MME: variants seen among roughly 807,000 people sequenced by gnomAD.
MME encodes the protein membrane metalloendopeptidase.
In MME, 98 loss-of-function variants were observed where a neutral mutation model predicts 113.2. The observed-to-expected ratio is 0.87, with a 90% CI of 0.74 to 1.02. MME has a LOEUF of 1.02. Ranked by LOEUF, MME falls within the 50% of genes least tolerant of loss-of-function variation. The pLI is 0.00. For missense variants in MME, 836 were observed against 896.0 expected (o/e 0.93, Z 0.86); for synonymous variants, 292 against 300.6 (o/e 0.97, Z 0.30).
At chr3:155,178,581 T>C (rs1284426650) in intron 22 of MME, among the ~76,000 whole-genome samples, 1 of 152,052 alleles carries the variant, frequency 6.6e-6, no homozygotes, top group Admixed American at 6.6e-5. Flanking sequence ...ACTTTGGGGG[T>C]GCAGCAGTGA....
intron 3 of MME, among the ~76,000 whole-genome samples, chr3:155,089,678 C>T (rs1240343116): frequency 6.6e-6 from 1 of 152,158 alleles, no homozygotes; most frequent in Non-Finnish European, 1.5e-5. Context: ...ACACCCAATT[C>T]CCAGAGCCTC....
intron 3 of MME, among the ~76,000 whole-genome samples, chr3:155,108,542 G>A (rs1022781455): frequency 6.6e-6 from 1 of 151,576 alleles, no homozygotes. Context: ...GTTGCAGTGA[G>A]CAGATATCGC....
intron 4 of MME, among the ~76,000 whole-genome samples, chr3:155,115,671 C>A (rs1320680022): frequency 6.6e-6 from 1 of 152,160 alleles, no homozygotes; most frequent in Non-Finnish European, 1.5e-5. Flanking sequence ...GGTGATCCAC[C>A]AGCCTTGGCC....
At chr3:155,064,193 A>G (rs1416595667) in intron 1 of MME, among the ~76,000 whole-genome samples, 1 of 151,844 alleles carries the variant, frequency 6.6e-6, no homozygotes, top group Non-Finnish European at 1.5e-5. Context: ...GGAGGCTGAG[A>G]CAGGAGAATC....
In MME at chr3:155,168,764, T is replaced by C; in HGVS notation, c.1947T>C (p.Ile649=). 1 of 1,613,454 alleles carries C rather than the reference T, an allele frequency of 6.2e-7. No homozygotes were observed. Among genetic ancestry groups the C allele is most frequent in the Non-Finnish European group, 8.5e-7 (1 of 1,179,542 alleles). The change falls in exon 20 of 23, where the codon ATT becomes ATC. Residue 649 remains isoleucine, a synonymous_variant. Transcript: ENST00000360490. ...LNGINTLGEN[I]ADNGGLGQAY... ...GAATTAATACACTGGGAGAAAACAT[T>C]GCTGATAATGGAGGTCTTGGTCAAG...
At chr3:155,103,161 A>G (rs908096441) in intron 3 of MME, among the ~76,000 whole-genome samples, 4 of 152,200 alleles carry the variant, frequency 2.6e-5, no homozygotes, top group African/African-American at 9.6e-5. Flanking sequence ...TTTGTCCACT[A>G]AAATGTAAGT....
upstream of MME, among the ~76,000 whole-genome samples, chr3:155,076,945 T>C (rs1384875953): frequency 6.6e-6 from 1 of 152,214 alleles, no homozygotes; most frequent in East Asian, 1.9e-4. Context: ...ATCTTGGTTT[T>C]GGTAGGTTTT....
intron 3 of MME, among the ~76,000 whole-genome samples, chr3:155,112,110 A>G (rs1559924784): frequency 6.6e-6 from 1 of 152,096 alleles, no homozygotes. Context: ...TTTACTGGCA[A>G]GTCTTGACTG....
At chr3:155,114,713 T>G (rs541048899) in intron 3 of MME, among the ~76,000 whole-genome samples, 1 of 152,220 alleles carries the variant, frequency 6.6e-6, no homozygotes, top group Admixed American at 6.5e-5. Context: ...AGATAGGAAC[T>G]AGCCAGAAAC....
At chr3:155,164,395 T>C (rs149621574) in intron 17 of MME, among the ~76,000 whole-genome samples, 115 of 152,206 alleles carry the variant, frequency 7.6e-4, no homozygotes, top group African/African-American at 2.7e-3. Context: ...AACTAAGCAG[T>C]TGGTTATAAA....
chr3:155,098,154 C>T (rs887695434), intron 3 of MME, among the ~76,000 whole-genome samples: 9 of 152,100 alleles, frequency 5.9e-5, no homozygotes, highest in South Asian at 2.1e-4. Flanking sequence ...AGGGTAGGCT[C>T]ATTTGCAGGG....
intron 8 of MME, among the ~76,000 whole-genome samples, chr3:155,137,358 C>A (rs1035174564): frequency 3.3e-5 from 5 of 152,094 alleles, no homozygotes; most frequent in African/African-American, 4.8e-5. Flanking sequence ...AGTTTGTGGT[C>A]ATTTTTCCAT....
chr3:155,129,039 TG>T (rs1319056265), intron 8 of MME, among the ~76,000 whole-genome samples: 1 of 152,206 alleles, frequency 6.6e-6, no homozygotes, highest in Non-Finnish European at 1.5e-5. Context: ...ATACAATCAA[TG>T]GGTATCATAC....
At chr3:155,148,917 A>G (rs1721722943) in intron 16 of MME, among the ~76,000 whole-genome samples, 1 of 152,146 alleles carries the variant, frequency 6.6e-6, no homozygotes, top group South Asian at 2.1e-4. Context: ...CTATCAGCTC[A>G]ATTTATTTGT....
chr3:155,039,624 C>A (rs1713241496), intron 1 of MME, among the ~76,000 whole-genome samples: 1 of 151,798 alleles, frequency 6.6e-6, no homozygotes, highest in Non-Finnish European at 1.5e-5. Context: ...AGTAGTGTAT[C>A]AAAGATAATT....
At chr3:155,107,147 A>G (rs1284940375) in intron 3 of MME, among the ~76,000 whole-genome samples, 2 of 152,076 alleles carry the variant, frequency 1.3e-5, no homozygotes, top group African/African-American at 4.8e-5. Context: ...CGAGGTCAGG[A>G]GTTTGAGACC....
chr3:155,040,000 G>A (rs1033018142), intron 1 of MME, among the ~76,000 whole-genome samples: 1 of 152,068 alleles, frequency 6.6e-6, no homozygotes, highest in African/African-American at 2.4e-5. Flanking sequence ...TTATGGCATT[G>A]GGTACTTTAA....
intron 1 of MME, among the ~76,000 whole-genome samples, chr3:155,026,305 T>C (rs1712784313): frequency 6.6e-6 from 1 of 152,092 alleles, no homozygotes; most frequent in Non-Finnish European, 1.5e-5. Flanking sequence ...GTTAAAAAAA[T>C]GAACTCTGGA....
At chr3:155,132,532 AT>A (rs993680493) in intron 8 of MME, among the ~76,000 whole-genome samples, 35 of 149,990 alleles carry the variant, frequency 2.3e-4, no homozygotes, top group East Asian at 1.8e-3. Context: ...AGGACTTACA[AT>A]TTTTTTTTTA....
Sources: gnomAD v4.1 joint callset for allele counts (sites outside exome capture counted in the v4.1 genomes callset) on GRCh38, gnomAD v4.1.1 for gene constraint, MANE v1.5 for transcripts, NCBI Gene and HGNC (gene_info 2026-07-23, HGNC 2026-07-21) for gene names.